The following CAGE1 variants were observed in gnomAD, a reference collection of about 807,000 sequenced individuals.
CAGE1 encodes cancer antigen 1.
CAGE1 carries 66 observed loss-of-function variants against 94.9 expected under a neutral mutation model. The ratio of observed to expected loss-of-function variants is 0.70; its 90% CI spans 0.57 to 0.85. The LOEUF (loss-of-function observed/expected upper bound fraction) is 0.85, where lower values mean the gene tolerates loss of function less well. Among genes scored for constraint, CAGE1 ranks in the 40% least tolerant of loss-of-function variants. The pLI is 0.00. For missense variants in CAGE1, 865 were observed against 950.4 expected (o/e 0.91, Z 1.18); for synonymous variants, 319 against 321.0 (o/e 0.99, Z 0.07).
intron 13 of CAGE1, among the ~76,000 whole-genome samples, chr6:7,328,918 G>GTGTGTATA (rs1328152228): frequency 1.1e-4 from 5 of 44,002 alleles, no homozygotes; most frequent in East Asian, 8.8e-4. Context: ...GTGTGTGTGT[G>GTGTGTATA]TATATATATA....
chr6:7,366,493 C>T (rs1306521245), intron 7 of CAGE1, among the ~76,000 whole-genome samples: 1 of 152,090 alleles, frequency 6.6e-6, no homozygotes, highest in Non-Finnish European at 1.5e-5. Flanking sequence ...AAAGCATGGG[C>T]ATCTACTTTC....
intron 9 of CAGE1, among the ~76,000 whole-genome samples, chr6:7,358,070 A>ATATATATATATATAT (rs1321838889): frequency 8.3e-6 from 1 of 120,898 alleles, no homozygotes; most frequent in Non-Finnish European, 1.7e-5. Flanking sequence ...ATATATATAT[A>ATATATATATATATAT]TGCCTCCAAA....
chr6:7,332,168 T>C (rs1758777496), intron 12 of CAGE1, among the ~76,000 whole-genome samples: 1 of 152,204 alleles, frequency 6.6e-6, no homozygotes, highest in African/African-American at 2.4e-5. Context: ...TTTCCCCTTT[T>C]TGCTCATTTC....
intron 11 of CAGE1, among the ~76,000 whole-genome samples, chr6:7,335,589 T>C (rs572067783): frequency 6.6e-6 from 1 of 152,390 alleles, no homozygotes; most frequent in African/African-American, 2.4e-5. Flanking sequence ...TTTAAAGTTT[T>C]ACTATTCAGA....
intron 11 of CAGE1, chr6:7,341,567 G>A (rs1484040429): frequency 1.7e-6 from 2 of 1,157,280 alleles, no homozygotes; most frequent in African/African-American, 3.0e-5. Flanking sequence ...TTCCTCTCAG[G>A]CCTAGCTTTA....
chr6:7,327,373 T>G (rs1758574340), intron 13 of CAGE1, among the ~76,000 whole-genome samples: 1 of 152,082 alleles, frequency 6.6e-6, no homozygotes, highest in South Asian at 2.1e-4. Context: ...CAGGCTGGTC[T>G]CGAACTCCTG....
At chr6:7,381,419 C>T (rs1728049914) in intron 3 of CAGE1, among the ~76,000 whole-genome samples, 1 of 152,298 alleles carries the variant, frequency 6.6e-6, no homozygotes, top group Non-Finnish European at 1.5e-5. Context: ...GACTGCCAGC[C>T]TCTAAGAATG....
intron 11 of CAGE1, among the ~76,000 whole-genome samples, chr6:7,348,155 A>G (rs1414080330): frequency 1.3e-5 from 2 of 152,246 alleles, no homozygotes; most frequent in East Asian, 3.9e-4. Flanking sequence ...CAAGTTAAGA[A>G]CGCTCACAGA....
chr6:7,352,538 A>C (rs1219499574), intron 11 of CAGE1, among the ~76,000 whole-genome samples: 2 of 152,178 alleles, frequency 1.3e-5, no homozygotes, highest in African/African-American at 2.4e-5. Context: ...GAATTAGAAA[A>C]AACAATTCTA....
chr6:7,345,726 G>A (rs1248781461), intron 11 of CAGE1, among the ~76,000 whole-genome samples: 2 of 151,870 alleles, frequency 1.3e-5, no homozygotes, highest in African/African-American at 2.4e-5. Flanking sequence ...AGGAAATTGA[G>A]ACCATCCTGG....
Position 7,378,715 on chromosome 6 carries a change from T to C in CAGE1, c.589A>G (p.Ser197Gly), listed in dbSNP as rs763938788. Residue 197 changes from serine (S) to glycine (G), a missense_variant, in exon 4 of 14, where the codon AGT becomes GGT. Physicochemically the swap from Ser to Gly is moderately conservative, Grantham distance 56. Transcript: ENST00000502583. ...TCTGTAAATTTCAGCATCTCTCCAC[T>C]GCAGTGGATTAGAGGCGGGCTTCTA... ...PPRSPPLIHC[S>G]GEMLKFTEKS... The C allele has an allele frequency of 3.7e-6, 6 of 1,613,884 alleles. No individual in the cohort carries two copies. The South Asian group carries it at 4.4e-5, about 12-fold the overall frequency.
chr6:7,329,877 A>G lies in CAGE1; in HGVS notation c.2450T>C (p.Leu817Ser). Residue 817 changes from leucine (L) to serine (S), a missense_variant, in exon 13 of 14, where the codon TTA becomes TCA. Leu to Ser is a moderately radical substitution (Grantham distance 145, BLOSUM62 -2). Coordinates refer to ENST00000502583, the MANE Select transcript of CAGE1 (RefSeq NM_001170692.2). Reference sequence around the variant, plus strand: ...GGTCATGGACTTCGGATGATTTTCTAAGCTTTTTGATCTGTAAGAAATAGA... The same window carrying G: ...GGTCATGGACTTCGGATGATTTTCTGAGCTTTTTGATCTGTAAGAAATAGA... ...EKARKPRSKS[L>S]ENHPKSMTMM... is the part of the protein sequence containing the mutation. 6.9e-7 allele frequency: 1 copy of G among 1,447,258 alleles called. No homozygotes were observed. Among genetic ancestry groups the G allele is most frequent in the Non-Finnish European group, 9.6e-7 (1 of 1,041,426 alleles). The allele number at this position is 1,447,258 out of a possible 1,614,324, so 89.7% of individuals were successfully genotyped here. A position where few individuals can be genotyped will look rare whatever the true frequency, so the allele number is the denominator to read the frequency against.
chr6:7,346,194 A>C (rs1759524544), intron 11 of CAGE1, among the ~76,000 whole-genome samples: 2 of 152,234 alleles, frequency 1.3e-5, no homozygotes, highest in South Asian at 4.1e-4. Flanking sequence ...TAATGAGAGT[A>C]AAGCTAATTC....
Position 7,326,899 on chromosome 6 carries a change from T to C in CAGE1, c.2479A>G (p.Met827Val). 1 of 1,584,640 alleles carries C rather than the reference T, an allele frequency of 6.3e-7. No homozygotes were observed. The highest frequency in any genetic ancestry group is 8.7e-7 in the Non-Finnish European group (1 of 1,153,910). ...CTATTTTCTTTAAAAAGAGCTGGCA[T>C]CTAAAAATGAAAGGAAAAATGTTTC... ...LENHPKSMTM[M>V]PALFKENRND... The change falls in exon 14 of 14, where the codon ATG becomes GTG. Residue 827 changes from methionine (M) to valine (V), a missense_variant and splice_region_variant. Physicochemically the swap from Met to Val is conservative, Grantham distance 21 (BLOSUM62 1). Transcript: ENST00000502583.
At chr6:7,328,280 A>T (rs1038951385) in intron 13 of CAGE1, among the ~76,000 whole-genome samples, 3 of 152,330 alleles carry the variant, frequency 2.0e-5, no homozygotes, top group Admixed American at 2.0e-4. Flanking sequence ...CCTGTACTCA[A>T]AGAGTTCTAG....
intron 5 of CAGE1, 139 bp downstream of exon 5, chr6:7,372,934 T>C (rs1210426249): frequency 1.2e-5 from 8 of 673,666 alleles, no homozygotes; most frequent in Admixed American, 9.9e-5. Context: ...TGCCTCAGCC[T>C]CCCAAAGTGC....
intron 11 of CAGE1, among the ~76,000 whole-genome samples, chr6:7,342,477 T>A (rs1365835946): frequency 2.0e-5 from 3 of 152,188 alleles, no homozygotes; most frequent in African/African-American, 7.2e-5. Flanking sequence ...TCTGGCCAGA[T>A]GGCACAGGAA....
intron 9 of CAGE1, 40 bp from the exon 10 acceptor site, chr6:7,356,169 G>T (rs1759947828): frequency 1.8e-6 from 2 of 1,089,996 alleles, no homozygotes; most frequent in Non-Finnish European, 2.7e-6. Flanking sequence ...TCTGGAACCT[G>T]CCAGGAAAGC....
intron 9 of CAGE1, among the ~76,000 whole-genome samples, chr6:7,359,810 C>G (rs973259448): frequency 2.0e-5 from 3 of 152,200 alleles, no homozygotes; most frequent in Non-Finnish European, 4.4e-5. Flanking sequence ...ATCCAAATCA[C>G]TAAAAAACTG....
Sources: allele counts gnomAD v4.1 joint callset (sites outside exome capture counted in the v4.1 genomes callset), GRCh38; gene constraint gnomAD v4.1.1; transcripts MANE v1.5; gene names NCBI Gene and HGNC (gene_info 2026-07-23, HGNC 2026-07-21).